Variants in CEP85L observed in about 807,000 individuals in gnomAD.
The protein encoded by CEP85L is centrosomal protein of 85 kDa-like.
A neutral mutation model predicts 100.3 loss-of-function variants in CEP85L; 60 were observed. The ratio of observed to expected loss-of-function variants is 0.60; its 90% CI spans 0.49 to 0.74. The LOEUF is 0.74. CEP85L is among the 30% of genes least tolerant of loss of function. The probability of loss-of-function intolerance (pLI) is 0.00; values close to 1 mark genes in which losing one functional copy is unlikely to be tolerated. For missense variants in CEP85L, 973 were observed against 936.2 expected, an observed-to-expected ratio of 1.04 and a Z score of -0.51; for synonymous variants, 319 against 322.7, an observed-to-expected ratio of 0.99 and a Z score of 0.12.
At chr6:118,638,823 A>C (rs1387373716) in intron 1 of CEP85L, among the ~76,000 whole-genome samples, 1 of 152,162 alleles carries the variant, frequency 6.6e-6, no homozygotes, top group African/African-American at 2.4e-5. Flanking sequence ...GAAGATTAGC[A>C]TTAAATAAAA....
intron 4 of CEP85L, among the ~76,000 whole-genome samples, chr6:118,520,612 A>G (rs1776606019): frequency 6.6e-6 from 1 of 152,168 alleles, no homozygotes; most frequent in Non-Finnish European, 1.5e-5. Context: ...TAGTTACCCT[A>G]TAGTGCAACA....
intron 2 of CEP85L, among the ~76,000 whole-genome samples, chr6:118,576,515 C>T (rs1339976619): frequency 3.9e-5 from 6 of 152,218 alleles, no homozygotes; most frequent in Admixed American, 3.9e-4. Flanking sequence ...TCAAGGATAT[C>T]TTACTGTTAA....
chr6:118,635,484 C>A (rs1434345674), intron 1 of CEP85L, among the ~76,000 whole-genome samples: 1 of 152,100 alleles, frequency 6.6e-6, no homozygotes, highest in Non-Finnish European at 1.5e-5. Context: ...ATTACAGGAA[C>A]ATTTACTCCA....
chr6:118,634,720 C>T (rs529307449), intron 1 of CEP85L, among the ~76,000 whole-genome samples: 1 of 141,896 alleles, frequency 7.0e-6, no homozygotes, highest in East Asian at 3.2e-4. Flanking sequence ...GTAATCTATA[C>T]CAAAATTTTT....
chr6:118,505,845 T>A (rs766620967), intron 5 of CEP85L, among the ~76,000 whole-genome samples: 7 of 152,132 alleles, frequency 4.6e-5, no homozygotes, highest in Non-Finnish European at 5.9e-5. Flanking sequence ...AACCCTTAGA[T>A]TGCACAACAC....
At position 118,651,292 on chromosome 6, in the gene CEP85L, G is replaced by A. The variant is rs1235443407; in HGVS notation, c.-23C>T. On this transcript the variant is annotated 5_prime_UTR_variant, in exon 1 of 13. Transcript: ENST00000368491. ...CATCGCGGGCGAGAGGGCCGGGTGG[G>A]CCAGGGACGCCCGACTCCTCACGTC... 2.5e-5 allele frequency: 37 copies of A among 1,468,128 alleles called. No homozygotes were observed. Among genetic ancestry groups the A allele is most frequent in the Middle Eastern group, 1.9e-4 (1 of 5,298 alleles). The allele number at this position is 1,468,128 out of a possible 1,614,324, so 90.9% of individuals were successfully genotyped here. A position where few individuals can be genotyped will look rare whatever the true frequency, so the allele number is the denominator to read the frequency against.
At chr6:118,504,117 T>C (rs1425552922) in intron 5 of CEP85L, among the ~76,000 whole-genome samples, 1 of 152,170 alleles carries the variant, frequency 6.6e-6, no homozygotes, top group African/African-American at 2.4e-5. Flanking sequence ...CTCACACTTC[T>C]AATCACAGCA....
At chr6:118,497,970 A>G (rs752430751) in intron 5 of CEP85L, among the ~76,000 whole-genome samples, 2 of 152,258 alleles carry the variant, frequency 1.3e-5, no homozygotes, top group African/African-American at 2.4e-5. Context: ...GAAATGACTG[A>G]TAACAATGAT....
intron 5 of CEP85L, chr6:118,502,809 T>A (rs796165964): frequency 1.1e-5 from 7 of 632,058 alleles, no homozygotes; most frequent in Non-Finnish European, 2.1e-5. Flanking sequence ...ATCGTAAGCA[T>A]GTATGGAGTT....
At chr6:118,567,252 T>C (rs1216070500) in intron 2 of CEP85L, among the ~76,000 whole-genome samples, 2 of 49,222 alleles carry the variant, frequency 4.1e-5, no homozygotes, top group Non-Finnish European at 4.2e-5. Flanking sequence ...TGTGTGTGTA[T>C]ATATATATAT....
chr6:118,510,717 C>G (rs1775917370), intron 5 of CEP85L, among the ~76,000 whole-genome samples: 2 of 152,240 alleles, frequency 1.3e-5, no homozygotes, highest in African/African-American at 4.8e-5. Context: ...GGAAATGTAA[C>G]TTACAAGAAT....
chr6:118,581,743 G>A (rs567109597), intron 2 of CEP85L, among the ~76,000 whole-genome samples: 40 of 152,020 alleles, frequency 2.6e-4, no homozygotes, highest in Admixed American at 4.6e-4. Context: ...CCAACAGATC[G>A]TCTTCAGCAT....
At chr6:118,470,398 T>G (rs1204366124) in intron 11 of CEP85L, 139 bp downstream of exon 11, 1 of 459,746 alleles carries the variant, frequency 2.2e-6, no homozygotes, top group African/African-American at 2.0e-5. Context: ...TATAATAATT[T>G]TGGTAAGAAA....
intron 1 of CEP85L, among the ~76,000 whole-genome samples, chr6:118,708,098 G>T (rs1024842243): frequency 4.6e-5 from 7 of 152,162 alleles, no homozygotes; most frequent in African/African-American, 1.7e-4. Context: ...CAAAAGGTCG[G>T]AATATATAGA....
intron 6 of CEP85L, among the ~76,000 whole-genome samples, chr6:118,490,266 C>G (rs1353183714): frequency 6.6e-6 from 1 of 152,106 alleles, no homozygotes; most frequent in Non-Finnish European, 1.5e-5. Flanking sequence ...TAGAGATCTG[C>G]TGTACAATAT....
At chr6:118,702,790 A>T (rs1777457034) in intron 1 of CEP85L, among the ~76,000 whole-genome samples, 1 of 152,104 alleles carries the variant, frequency 6.6e-6, no homozygotes, top group African/African-American at 2.4e-5. Flanking sequence ...AAGTCAGGAG[A>T]TTTAGACTAC....
intron 5 of CEP85L, among the ~76,000 whole-genome samples, chr6:118,498,088 C>T (rs1416840533): frequency 1.3e-5 from 2 of 152,108 alleles, no homozygotes; most frequent in African/African-American, 4.8e-5. Context: ...TACTTGACAG[C>T]AGACTTGGAT....
chr6:118,511,231 CAAGGT>C lies in CEP85L; in HGVS notation c.1257+62_1257+66del, dbSNP rs547329780. On this transcript the variant is annotated intron_variant, in intron 5 of 12. Transcript: ENST00000368491. ...GTTGATTTAAAATGTCCTTATATTA[CAAGGT>C]AAGTATATTATTAACACAAGCTTTA... 4.8e-4 allele frequency: 443 copies of C among 918,256 alleles called. 2 individuals carry two copies. The African/African-American group carries it at 5.8e-3, about 12-fold the overall frequency. The allele number at this position is 918,256 out of a possible 1,614,324, so 56.9% of individuals were successfully genotyped here.
At chr6:118,530,748 T>C (rs970898458) in intron 3 of CEP85L, among the ~76,000 whole-genome samples, 5 of 151,994 alleles carry the variant, frequency 3.3e-5, no homozygotes, top group Middle Eastern at 3.4e-3. Context: ...CACAGTCCCA[T>C]TGACAATAGC....
Sources: gnomAD v4.1 joint callset for allele counts (sites outside exome capture counted in the v4.1 genomes callset) on GRCh38, gnomAD v4.1.1 for gene constraint, MANE v1.5 for transcripts, NCBI Gene and HGNC (gene_info 2026-07-23, HGNC 2026-07-21) for gene names.